The following NQO2 variants were observed in gnomAD, a reference collection of about 807,000 sequenced individuals.
The protein encoded by NQO2 is ribosyldihydronicotinamide dehydrogenase [quinone].
A neutral mutation model predicts 22.0 loss-of-function variants in NQO2; 18 were observed. That is an observed-to-expected ratio of 0.82 (90% CI 0.56 to 1.21). The LOEUF is 1.21. NQO2 is among the 50% of genes most tolerant of loss of function. The pLI is 0.00. For synonymous variants in NQO2, 106 were observed against 110.8 expected (o/e 0.96, Z 0.28); for missense variants, 267 against 286.9 (o/e 0.93, Z 0.50).
intron 6 of NQO2, among the ~76,000 whole-genome samples, chr6:3,018,794 C>T (rs1757427426): frequency 6.6e-6 from 1 of 150,842 alleles, no homozygotes; most frequent in African/African-American, 2.4e-5. Flanking sequence ...TCTTATGTGT[C>T]ATTAGCCAAG....
intron 2 of NQO2, among the ~76,000 whole-genome samples, chr6:3,007,135 T>C (rs187374837): frequency 6.6e-4 from 101 of 152,276 alleles, no homozygotes; most frequent in African/African-American, 2.4e-3. Flanking sequence ...ACTGACATTC[T>C]GGGCCAGATA....
chr6:3,015,470 A>C, intron 4 of NQO2, 60 bp from the exon 5 acceptor site: 1 of 1,583,722 alleles, frequency 6.3e-7, no homozygotes, highest in South Asian at 1.1e-5. Flanking sequence ...CAGATAAACT[A>C]AACTAGGAAA....
intron 4 of NQO2, 45 bp downstream of exon 4, chr6:3,012,719 G>C (rs200361838): frequency 5.1e-4 from 801 of 1,572,906 alleles, no homozygotes; most frequent in Non-Finnish European, 6.5e-4. Context: ...TTCATCTTAT[G>C]TACAAACTCT....
At chr6:3,015,061 C>T (rs963821972) in intron 4 of NQO2, 6 of 1,275,294 alleles carry the variant, frequency 4.7e-6, no homozygotes, top group South Asian at 2.5e-5. Context: ...GAGATCTTAG[C>T]GCTGGTCTAA....
intron 6 of NQO2, among the ~76,000 whole-genome samples, chr6:3,018,716 A>G (rs1757425078): frequency 6.6e-6 from 1 of 152,160 alleles, no homozygotes; most frequent in African/African-American, 2.4e-5. Context: ...GATTCCAGTT[A>G]CTGATAGTCT....
Position 3,006,587 on chromosome 6 carries a change from CTTTT to C in NQO2, c.7+37_7+40del. The C allele has an allele frequency of 8.4e-7, 1 of 1,183,766 alleles. No individual in the cohort carries two copies. Among genetic ancestry groups the C allele is most frequent in the Non-Finnish European group, 1.2e-6 (1 of 858,710 alleles). The allele number at this position is 1,183,766 out of a possible 1,614,324, so 73.3% of individuals were successfully genotyped here. A position where few individuals can be genotyped will look rare whatever the true frequency, so the allele number is the denominator to read the frequency against. On this transcript the variant is annotated intron_variant, in intron 2 of 6. Coordinates refer to ENST00000380455, the MANE Select transcript of NQO2 (RefSeq NM_000904.6). The surrounding 1 kb of genome is among the most constrained non-coding windows in gnomAD (Gnocchi z 4.0). The stretch of plus-strand genomic sequence containing the variant: ...AATGATTCACTATTGTGGAGTAAGA[CTTTT>C]TTTTTTTTGAGATGGGATTTTGTTG...
Position 3,019,549 on chromosome 6 carries a change from C to T in NQO2, c.590C>T (p.Ser197Phe). ...ATCAGCTTTGCTCCTGAAATTGCATCCGAAGAAGAAAGAAAGGGGATGGTG... is the reference window on the plus strand; with the variant it reads ...ATCAGCTTTGCTCCTGAAATTGCATTCGAAGAAGAAAGAAAGGGGATGGTG... Reference protein sequence around the residue: ...PQISFAPEIASEEERKGMVAA... With the variant: ...PQISFAPEIAFEEERKGMVAA... Residue 197 changes from serine to phenylalanine, a missense_variant, in exon 7 of 7, where the codon TCC becomes TTC. Physicochemically the swap from Ser to Phe is radical, Grantham distance 155. Transcript: ENST00000380455. 2 of 1,614,136 alleles carry T rather than the reference C, an allele frequency of 1.2e-6. No individual in the cohort carries two copies. Among genetic ancestry groups the T allele is most frequent in the Non-Finnish European group, 1.7e-6 (2 of 1,180,030 alleles).
chr6:3,012,140 T>C (rs535401891), intron 3 of NQO2, among the ~76,000 whole-genome samples: 1 of 152,316 alleles, frequency 6.6e-6, no homozygotes, highest in South Asian at 2.1e-4. Flanking sequence ...ATATAAAATA[T>C]GTAAATCAAG....
intron 3 of NQO2, among the ~76,000 whole-genome samples, chr6:3,011,250 T>G (rs1033275973): frequency 2.6e-5 from 4 of 152,210 alleles, no homozygotes; most frequent in Non-Finnish European, 5.9e-5. Flanking sequence ...AGTTAAATTT[T>G]ACAAAGAGAT....
intron 4 of NQO2, among the ~76,000 whole-genome samples, chr6:3,014,505 G>A (rs1270385732): frequency 2.0e-5 from 3 of 152,158 alleles, no homozygotes; most frequent in East Asian, 1.9e-4. Flanking sequence ...CGTGGAGCCC[G>A]CTTTCCTCCT....
intron 4 of NQO2, 22 bp from the exon 5 acceptor site, chr6:3,015,507 CT>C: frequency 1.2e-6 from 2 of 1,609,092 alleles, no homozygotes; most frequent in Middle Eastern, 1.7e-4. Flanking sequence ...GCCTCAGTTT[CT>C]CTTTGGTGTT....
intron 1 of NQO2, chr6:3,002,277 AT>A: frequency 1.0e-6 from 1 of 963,512 alleles, no homozygotes; most frequent in Non-Finnish European, 1.2e-6. Flanking sequence ...CACTGGCAAC[AT>A]TTACAAAGGT....
intron 4 of NQO2, among the ~76,000 whole-genome samples, chr6:3,014,524 C>A (rs1002656090): frequency 7.2e-5 from 11 of 152,326 alleles, no homozygotes; most frequent in Non-Finnish European, 1.5e-4. Flanking sequence ...CTCGCACCCA[C>A]TCCACTCCCA....
rs776042743 is a variant in NQO2 at position 3,002,470 on chromosome 6, G to A, written c.-86+2385G>A. Among the ~76,000 whole-genome samples, 6 of 151,990 alleles carry A rather than the reference G, an allele frequency of 3.9e-5. No homozygotes were observed. The South Asian group carries it at 6.2e-4, about 16-fold the overall frequency. ...ACTACAGGCACATGCCACCATACCCGGATAATTTTTGTATTTTTTAGTAGA... is the reference window on the plus strand; with the variant it reads ...ACTACAGGCACATGCCACCATACCCAGATAATTTTTGTATTTTTTAGTAGA... On this transcript the variant is annotated intron_variant, in intron 1 of 6. Coordinates refer to ENST00000380455, the MANE Select transcript of NQO2 (RefSeq NM_000904.6).
intron 6 of NQO2, among the ~76,000 whole-genome samples, chr6:3,019,067 ATTTG>A (rs1379611657): frequency 1.1e-4 from 17 of 152,144 alleles, no homozygotes; most frequent in Admixed American, 1.1e-3. Flanking sequence ...ACGGCTTAAA[ATTTG>A]TTTGTTATTT....
intron 1 of NQO2, among the ~76,000 whole-genome samples, chr6:3,005,331 C>G (rs759034660): frequency 6.6e-6 from 1 of 152,172 alleles, no homozygotes; most frequent in Admixed American, 6.5e-5. Context: ...CACAGCACCT[C>G]TCCAGCAGCG....
chr6:3,010,140 T>C lies in NQO2; in HGVS notation c.123T>C (p.Asp41=). Residue 41 remains aspartate (D), a synonymous_variant, in exon 3 of 7, where the codon GAT becomes GAC. Transcript: ENST00000380455. The stretch of plus-strand genomic sequence containing the variant: ...AGGGCTGCACCGTCACAGTGTCTGA[T>C]TTGTATGCCATGAACCTTGAGCCGA... ...SRQGCTVTVS[D]LYAMNLEPRA... is the part of the protein sequence containing the mutation. 6.2e-7 allele frequency: 1 copy of C among 1,614,012 alleles called. No homozygotes were observed. Among genetic ancestry groups the C allele is most frequent in the Non-Finnish European group, 8.5e-7 (1 of 1,179,960 alleles).
intron 2 of NQO2, among the ~76,000 whole-genome samples, chr6:3,007,138 G>A (rs139751612): frequency 1.3e-3 from 202 of 151,974 alleles, no homozygotes; most frequent in African/African-American, 4.7e-3. Context: ...GACATTCTGG[G>A]CCAGATAATC....
intron 2 of NQO2, among the ~76,000 whole-genome samples, chr6:3,007,163 G>A (rs534598458): frequency 6.6e-6 from 1 of 152,142 alleles, no homozygotes; most frequent in South Asian, 2.1e-4. Flanking sequence ...GTTTTGGGGG[G>A]TCATCCTGTG....
Sources: allele counts gnomAD v4.1 joint callset (sites outside exome capture counted in the v4.1 genomes callset), GRCh38; gene constraint gnomAD v4.1.1; non-coding constraint Gnocchi (gnomAD v3.1); transcripts MANE v1.5; gene names NCBI Gene and HGNC (gene_info 2026-07-23, HGNC 2026-07-21).